POMGNT1: variants seen among roughly 807,000 people sequenced by gnomAD.
POMGNT1 encodes the protein protein O-linked-mannose beta-1,2-N-acetylglucosaminyltransferase 1.
A neutral mutation model predicts 95.6 loss-of-function variants in POMGNT1; 67 were observed. The observed-to-expected ratio is 0.70, with a 90% CI of 0.58 to 0.86. The LOEUF is 0.86. Ranked by LOEUF, POMGNT1 falls within the 40% of genes least tolerant of loss-of-function variation. The pLI is 0.00. For synonymous variants in POMGNT1, 298 were observed against 317.9 expected (o/e 0.94, Z 0.66); for missense variants, 719 against 855.2 (o/e 0.84, Z 1.99).
At chr1:46,199,171 A>G (rs531007490), upstream of POMGNT1, among the ~76,000 whole-genome samples, 4 of 152,210 alleles carry the variant, frequency 2.6e-5, no homozygotes, top group African/African-American at 9.6e-5. Context: ...TGAACTTCTG[A>G]CCTCAAGTGA....
At chr1:46,208,448 T>G (rs1419928240) in intron 1 of POMGNT1, among the ~76,000 whole-genome samples, 4 of 152,220 alleles carry the variant, frequency 2.6e-5, no homozygotes, top group African/African-American at 7.2e-5. Context: ...CTGAATGGAT[T>G]AATTCCATCT....
intron 1 of POMGNT1, among the ~76,000 whole-genome samples, chr1:46,215,374 T>C (rs1373282037): frequency 6.6e-6 from 1 of 151,948 alleles, no homozygotes; most frequent in Non-Finnish European, 1.5e-5. Flanking sequence ...AGAAATAATT[T>C]TAAAAAATCT....
At chr1:46,189,804 A>G in intron 20 of POMGNT1, 50 bp downstream of exon 20, 1 of 1,611,330 alleles carries the variant, frequency 6.2e-7, no homozygotes, top group South Asian at 1.1e-5. Flanking sequence ...TTGGGGCAGT[A>G]TGTGTGTGAG....
rs144265688 is a variant in POMGNT1, at chr1:46,210,767, G to A, written c.-51+8938C>T. On this transcript the variant is annotated intron_variant, in intron 1 of 22. Coordinates refer to the POMGNT1 transcript ENST00000371992. ...GCTACTTGGACGCTCTCTGAATCCT[G>A]TTGTGGGGACCTTTTTTTATTTTTT... 4.1e-3 allele frequency among the ~76,000 whole-genome samples: 622 copies of A among 150,224 alleles called. 6 individuals carry two copies. The highest frequency in any genetic ancestry group is 0.014 in the African/African-American group (583 of 41,426).
intron 13 of POMGNT1, 62 bp from the exon 14 acceptor site, chr1:46,193,020 C>A: frequency 6.2e-7 from 1 of 1,604,070 alleles, no homozygotes; most frequent in Non-Finnish European, 8.5e-7. Context: ...ATCTCCTTTG[C>A]CCCCAACCCT....
chr1:46,216,937 AGTTGCATACAT>A lies in POMGNT1; in HGVS notation c.-51+2757_-51+2767del, dbSNP rs1336863686. Among the ~76,000 whole-genome samples the A allele has an allele frequency of 3.3e-5, 5 of 152,316 alleles. No individual in the cohort carries two copies. In the East Asian group the frequency reaches 9.6e-4, roughly 29 times the overall value. On this transcript the variant is annotated intron_variant, in intron 1 of 22. Transcript: ENST00000371992. ...TAATTCACTTAGGATTATAGCCTCC[AGTTGCATACAT>A]GTTGCTGCAAAGGACATGATTTCAT...
chr1:46,190,345 G>T, intron 19 of POMGNT1, 128 bp downstream of exon 19: 2 of 1,296,692 alleles, frequency 1.5e-6, no homozygotes, highest in Non-Finnish European at 2.2e-6. Context: ...CGCCCGGCCT[G>T]AAGTTCCTAA....
chr1:46,202,997 C>G (rs184714841), upstream of POMGNT1, among the ~76,000 whole-genome samples: 36 of 144,412 alleles, frequency 2.5e-4, no homozygotes, highest in Non-Finnish European at 9.0e-5. Flanking sequence ...CCCAATTCCT[C>G]TGCTCCAGGA....
At chr1:46,205,072 A>G (rs1348162211) in intron 1 of POMGNT1, among the ~76,000 whole-genome samples, 1 of 152,184 alleles carries the variant, frequency 6.6e-6, no homozygotes, top group Non-Finnish European at 1.5e-5. Flanking sequence ...AGCCTGGGCA[A>G]CAAAGCAAGA....
chr1:46,196,876 T>C lies in POMGNT1; in HGVS notation c.236-27A>G. 1 of 1,614,200 alleles carries C rather than the reference T, an allele frequency of 6.2e-7. No individual in the cohort carries two copies. On this transcript the variant is annotated intron_variant, in intron 3 of 21. Coordinates refer to ENST00000371984, the MANE Select transcript of POMGNT1 (RefSeq NM_017739.4). This position sits in a 1 kb window ranked among gnomAD's most constrained non-coding sequence, Gnocchi z 4.4. ...TGTGGGGTACAACAGGTCATGGAGATAGTCTCCTCAGCAGAGTCTCACCGC... is the reference window on the plus strand; with the variant it reads ...TGTGGGGTACAACAGGTCATGGAGACAGTCTCCTCAGCAGAGTCTCACCGC...
upstream of POMGNT1, among the ~76,000 whole-genome samples, chr1:46,202,085 C>T (rs891611895): frequency 6.7e-6 from 1 of 148,170 alleles, no homozygotes; most frequent in African/African-American, 2.5e-5. Context: ...TAAACAATAA[C>T]GTTATGGGTA....
At chr1:46,207,027 G>C (rs1462127324) in intron 1 of POMGNT1, among the ~76,000 whole-genome samples, 2 of 152,160 alleles carry the variant, frequency 1.3e-5, no homozygotes, top group East Asian at 3.8e-4. Flanking sequence ...GGAGGCACAG[G>C]CTGTTTCCTC....
intron 9 of POMGNT1, 47 bp from the exon 10 acceptor site, chr1:46,193,972 C>T (rs1458617701): frequency 6.2e-7 from 1 of 1,608,824 alleles, no homozygotes; most frequent in Admixed American, 1.7e-5. Flanking sequence ...CCCCTTCAAA[C>T]TGGGATCCCC....
At chr1:46,213,514 TAGATTAAA>T (rs1658969439) in intron 1 of POMGNT1, among the ~76,000 whole-genome samples, 1 of 151,904 alleles carries the variant, frequency 6.6e-6, no homozygotes, top group Non-Finnish European at 1.5e-5. Context: ...AGAAGGTCTC[TAGATTAAA>T]AGACACTGAG....
rs1482736727 is a variant in POMGNT1, at chr1:46,211,962, A to G, written c.-51+7743T>C. On this transcript the variant is annotated intron_variant, in intron 1 of 22. Transcript: ENST00000371992. ...TTTTTATTAGAGACGGGGTTTCACC[A>G]TGTTGGCCAGGCTGGTCTCAAATTC... 3.9e-5 allele frequency among the ~76,000 whole-genome samples: 6 copies of G among 152,080 alleles called. No individual in the cohort carries two copies. In the East Asian group the frequency reaches 9.7e-4, roughly 25 times the overall value.
Position 46,189,481 on chromosome 1 carries a change from C to T in POMGNT1, c.1872G>A (p.Val624=), listed in dbSNP as rs1168602477. 1 of 1,613,656 alleles carries T rather than the reference C, an allele frequency of 6.2e-7. No individual in the cohort carries two copies. Among genetic ancestry groups the T allele is most frequent in the Non-Finnish European group, 8.5e-7 (1 of 1,179,814 alleles). The change falls in exon 21 of 22, where the codon GTG becomes GTA. Residue 624 remains valine (V), a synonymous_variant. Coordinates refer to ENST00000371984, the MANE Select transcript of POMGNT1 (RefSeq NM_017739.4). ...ACGAGTAGGGGGAAGCCGGGACCCC[C>T]ACCATCAGGAAGTGGTTCTTCTTCC... ...LFRKKNHFLM[V]GVPASPYSVK...
Position 46,196,821 on chromosome 1 carries a change from T to C in POMGNT1, c.264A>G (p.Pro88=), listed in dbSNP as rs1557677974. 10 of 1,614,054 alleles carry C rather than the reference T, an allele frequency of 6.2e-6. No individual in the cohort carries two copies. The highest frequency in any genetic ancestry group is 7.6e-6 in the Non-Finnish European group (9 of 1,180,038). Reference sequence around the variant, plus strand: ...GCCGGGGACCACTGCCTCTGCGCCGTGGGGGCTCCAGGCGGCCTAGGGCCT... The same window carrying C: ...GCCGGGGACCACTGCCTCTGCGCCGCGGGGGCTCCAGGCGGCCTAGGGCCT... ...YDEALGRLEP[P]RRRGSGPRRV... Residue 88 remains proline (P), a synonymous_variant, in exon 4 of 22, where the codon CCA becomes CCG. Transcript: ENST00000371984. This position sits in a 1 kb window ranked among gnomAD's most constrained non-coding sequence, Gnocchi z 4.4.
At chr1:46,205,305 G>A (rs377438000) in intron 1 of POMGNT1, among the ~76,000 whole-genome samples, 1 of 151,856 alleles carries the variant, frequency 6.6e-6, no homozygotes, top group South Asian at 2.1e-4. Context: ...GAGGAAGGGA[G>A]GGAGGGAGGA....
rs148150932 is a variant in POMGNT1 at position 46,219,794 on chromosome 1, G to A, written c.-140C>T. The A allele has an allele frequency of 3.2e-5, 51 of 1,614,200 alleles. No homozygotes were observed. In the African/African-American group the frequency reaches 5.9e-4, roughly 19 times the overall value. On this transcript the variant is annotated 5_prime_UTR_variant, in exon 1 of 23. Coordinates refer to the POMGNT1 transcript ENST00000371992. ...TGCGCTGGCTGTTGGAGGAGCGGGG[G>A]ACGTTGACCAGTCATTGCAGCAGCC...
Sources: gnomAD v4.1 joint callset for allele counts (sites outside exome capture counted in the v4.1 genomes callset) on GRCh38, gnomAD v4.1.1 for gene constraint, Gnocchi (gnomAD v3.1) non-coding constraint, MANE v1.5 for transcripts, NCBI Gene and HGNC (gene_info 2026-07-23, HGNC 2026-07-21) for gene names.